The following LRRC4C variants were observed in gnomAD, a reference collection of about 807,000 sequenced individuals.
LRRC4C encodes leucine-rich repeat-containing protein 4C.
A neutral mutation model predicts 33.6 loss-of-function variants in LRRC4C; 5 were observed. The observed-to-expected ratio is 0.15, with a 90% CI of 0.08 to 0.31. LRRC4C has a LOEUF of 0.31. LRRC4C is among the 10% of genes least tolerant of loss of function. LRRC4C has a pLI of 1.00. For synonymous variants in LRRC4C, 329 were observed against 302.0 expected (o/e 1.09, Z -0.93); for missense variants, 560 against 796.7 (o/e 0.70, Z 3.58).
At chr11:40,601,848 G>A (rs940120525) in intron 3 of LRRC4C, among the ~76,000 whole-genome samples, 5 of 151,952 alleles carry the variant, frequency 3.3e-5, no homozygotes, top group African/African-American at 1.2e-4. Context: ...ATTTCAGATT[G>A]GAATATATAA....
intron 3 of LRRC4C, among the ~76,000 whole-genome samples, chr11:40,584,442 T>C (rs561990160): frequency 1.3e-4 from 20 of 151,898 alleles, no homozygotes; most frequent in African/African-American, 4.8e-4. Flanking sequence ...CCACCACAGA[T>C]AATAACCCTC....
At position 41,418,495 on chromosome 11, in the gene LRRC4C, C is replaced by T. The variant is rs996021896; in HGVS notation, c.-496+40936G>A. Among the ~76,000 whole-genome samples, 2 of 152,002 alleles carry T rather than the reference C, an allele frequency of 1.3e-5. 1 individual carries two copies. Among genetic ancestry groups the T allele is most frequent in the South Asian group, 4.1e-4 (2 of 4,822 alleles). On this transcript the variant is annotated intron_variant, in intron 1 of 6. Coordinates refer to ENST00000528697, the MANE Select transcript of LRRC4C (RefSeq NM_001258419.2). The stretch of plus-strand genomic sequence containing the variant: ...GGGTCACTATGTTCTGTACTTAAGC[C>T]TGTAATATTAAACAGAAAGCAAAAC...
At chr11:41,279,431 G>C (rs565589780) in intron 1 of LRRC4C, among the ~76,000 whole-genome samples, 10 of 81,078 alleles carry the variant, frequency 1.2e-4, no homozygotes, top group Middle Eastern at 5.5e-3. Flanking sequence ...CACACACACC[G>C]TGGCAATCAC....
chr11:40,435,882 T>G (rs562905142), intron 3 of LRRC4C, among the ~76,000 whole-genome samples: 1 of 152,316 alleles, frequency 6.6e-6, no homozygotes, highest in African/African-American at 2.4e-5. Flanking sequence ...TGGCTTCACC[T>G]TGCTTGTTTA....
intron 5 of LRRC4C, among the ~76,000 whole-genome samples, chr11:40,196,967 C>T (rs1862313275): frequency 6.6e-6 from 1 of 152,118 alleles, no homozygotes; most frequent in African/African-American, 2.4e-5. Context: ...AAATTGCTTG[C>T]TAATTGGATA....
chr11:40,578,642 G>A (rs1565522665), intron 3 of LRRC4C, among the ~76,000 whole-genome samples: 1 of 152,000 alleles, frequency 6.6e-6, no homozygotes, highest in African/African-American at 2.4e-5. Flanking sequence ...TCTATTTGTG[G>A]TAGAGATACT....
In LRRC4C at chr11:40,973,314, T is replaced by A. The variant is rs1851860430; in HGVS notation, c.-495-39591A>T. ...CCACTTTAGCTGCAGAGCTAACTGA[T>A]AAGAAGACAGATCACTACTTAGGCA... On this transcript the variant is annotated intron_variant, in intron 1 of 6. Transcript: ENST00000528697. Among the ~76,000 whole-genome samples, 3 of 151,428 alleles carry A rather than the reference T, an allele frequency of 2.0e-5. No individual in the cohort carries two copies. The Admixed American group carries it at 2.0e-4, about 10-fold the overall frequency.
At chr11:40,330,257 G>A (rs983555616) in intron 3 of LRRC4C, among the ~76,000 whole-genome samples, 1 of 152,006 alleles carries the variant, frequency 6.6e-6, no homozygotes, top group African/African-American at 2.4e-5. Flanking sequence ...ATTATTTCTG[G>A]GTGTGTCTGT....
intron 2 of LRRC4C, among the ~76,000 whole-genome samples, chr11:40,661,344 TAAGA>T (rs1268899053): frequency 6.6e-6 from 1 of 152,154 alleles, no homozygotes; most frequent in African/African-American, 2.4e-5. Flanking sequence ...CTCACCTGCC[TAAGA>T]AAGCATCAAA....
intron 2 of LRRC4C, among the ~76,000 whole-genome samples, chr11:40,873,271 T>G (rs965796570): frequency 6.6e-6 from 1 of 152,196 alleles, no homozygotes; most frequent in African/African-American, 2.4e-5. Context: ...AATTAATGCA[T>G]GCAACCTGCT....
rs75177143 is a variant in LRRC4C at position 41,349,697 on chromosome 11, A to G, written c.-496+109734T>C. Among the ~76,000 whole-genome samples, 1,013 of 152,272 alleles carry G rather than the reference A, an allele frequency of 6.7e-3. 10 individuals carry two copies. The highest frequency in any genetic ancestry group is 0.022 in the African/African-American group (929 of 41,564). On this transcript the variant is annotated intron_variant, in intron 1 of 6. Transcript: ENST00000528697. Reference sequence around the variant, plus strand: ...GACAGCAACTTCACACATTAAAGGAATATCAGCCTACACAGATGAGAAAGA... The same window carrying G: ...GACAGCAACTTCACACATTAAAGGAGTATCAGCCTACACAGATGAGAAAGA...
At chr11:40,711,317 T>G (rs1564964409) in intron 2 of LRRC4C, among the ~76,000 whole-genome samples, 1 of 152,128 alleles carries the variant, frequency 6.6e-6, no homozygotes, top group Non-Finnish European at 1.5e-5. Flanking sequence ...TCCTATTTGG[T>G]CATCTTGGAA....
intron 1 of LRRC4C, among the ~76,000 whole-genome samples, chr11:40,950,284 T>C (rs566834991): frequency 3.3e-5 from 5 of 152,158 alleles, no homozygotes; most frequent in African/African-American, 1.2e-4. Context: ...GCACCTACCA[T>C]GTTCTAGGAA....
At chr11:41,414,609 G>A (rs1031935027) in intron 1 of LRRC4C, among the ~76,000 whole-genome samples, 7 of 151,848 alleles carry the variant, frequency 4.6e-5, no homozygotes, top group Non-Finnish European at 1.0e-4. Context: ...CTGGTTTTTG[G>A]AGAGGTTCAG....
chr11:41,247,573 A>G (rs1282418668), intron 1 of LRRC4C, among the ~76,000 whole-genome samples: 2 of 152,228 alleles, frequency 1.3e-5, no homozygotes, highest in African/African-American at 4.8e-5. Context: ...TAAATGGCCA[A>G]ATTATCTTAA....
chr11:40,643,717 G>A (rs1371528361), intron 3 of LRRC4C, among the ~76,000 whole-genome samples: 1 of 152,114 alleles, frequency 6.6e-6, no homozygotes, highest in Non-Finnish European at 1.5e-5. Flanking sequence ...ATCAATGGAA[G>A]TCTAATGGGA....
Position 40,774,212 on chromosome 11 carries a change from A to G in LRRC4C, c.-406-125934T>C, listed in dbSNP as rs146955808. Reference sequence around the variant, plus strand: ...ATCCTGGCTGAATAATATTCCATGTATAGATATACCACACTTAAATTGTCT... The same window carrying G: ...ATCCTGGCTGAATAATATTCCATGTGTAGATATACCACACTTAAATTGTCT... On this transcript the variant is annotated intron_variant, in intron 2 of 6. Coordinates refer to ENST00000528697, the MANE Select transcript of LRRC4C (RefSeq NM_001258419.2). 2.1e-3 allele frequency among the ~76,000 whole-genome samples: 327 copies of G among 152,254 alleles called. 2 individuals carry two copies. The highest frequency in any genetic ancestry group is 7.7e-3 in the African/African-American group (318 of 41,562).
At chr11:40,876,334 AC>A (rs1456626176) in intron 2 of LRRC4C, among the ~76,000 whole-genome samples, 1 of 135,050 alleles carries the variant, frequency 7.4e-6, no homozygotes, top group Admixed American at 8.8e-5. Flanking sequence ...GTGATCATGC[AC>A]CAGCTAAGAG....
chr11:40,701,088 T>C (rs1447791732), intron 2 of LRRC4C, among the ~76,000 whole-genome samples: 3 of 152,110 alleles, frequency 2.0e-5, no homozygotes, highest in Non-Finnish European at 4.4e-5. Flanking sequence ...CATAAAAGTG[T>C]CTAATTAAGA....
Sources: gnomAD v4.1 joint callset for allele counts (sites outside exome capture counted in the v4.1 genomes callset) on GRCh38, gnomAD v4.1.1 for gene constraint, MANE v1.5 for transcripts, NCBI Gene and HGNC (gene_info 2026-07-23, HGNC 2026-07-21) for gene names.